The following PRKN variants were observed in gnomAD, a reference collection of about 807,000 sequenced individuals.
The protein encoded by PRKN is parkin RBR E3 ubiquitin protein ligase.
A neutral mutation model predicts 59.5 loss-of-function variants in PRKN; 56 were observed. The ratio of observed to expected loss-of-function variants is 0.94; its 90% CI spans 0.76 to 1.18. The LOEUF is 1.18. Ranked by LOEUF, PRKN falls within the 50% of genes most tolerant of loss-of-function variation. PRKN has a pLI of 0.00. For missense variants in PRKN, 657 were observed against 596.4 expected (o/e 1.10, Z -1.06); for synonymous variants, 250 against 222.1 (o/e 1.13, Z -1.12).
chr6:161,755,903 T>C (rs1788896796), intron 7 of PRKN, among the ~76,000 whole-genome samples: 2 of 152,094 alleles, frequency 1.3e-5, no homozygotes, highest in Non-Finnish European at 2.9e-5. Flanking sequence ...CTGCCCTCTG[T>C]TGCCAATAGA....
intron 6 of PRKN, among the ~76,000 whole-genome samples, chr6:161,862,419 A>C (rs1333258974): frequency 2.6e-5 from 4 of 152,204 alleles, no homozygotes; most frequent in Non-Finnish European, 4.4e-5. Flanking sequence ...TTCCTACTGC[A>C]ACTTTATTCA....
chr6:161,521,388 C>A lies in PRKN; in HGVS notation c.1083+27466G>T, dbSNP rs1215038689. ...AAGCATAAAATTAGGATAGAAATCC[C>A]ATTGTGTTAAAGTTCCATGGAAATT... On this transcript the variant is annotated intron_variant, in intron 9 of 11. Transcript: ENST00000366898. 3.3e-5 allele frequency among the ~76,000 whole-genome samples: 5 copies of A among 152,256 alleles called. No individual in the cohort carries two copies. The South Asian group carries it at 6.2e-4, about 19-fold the overall frequency.
intron 1 of PRKN, among the ~76,000 whole-genome samples, chr6:162,609,156 T>TA (rs1335988135): frequency 2.0e-5 from 3 of 152,272 alleles, no homozygotes; most frequent in African/African-American, 7.2e-5. Context: ...GTACAGAAGA[T>TA]AAAGTGCAGG....
chr6:162,628,953 T>C (rs1222407912), intron 1 of PRKN, among the ~76,000 whole-genome samples: 2 of 152,096 alleles, frequency 1.3e-5, no homozygotes, highest in Non-Finnish European at 2.9e-5. Flanking sequence ...CTCGTACTAT[T>C]TTACAATTAT....
At chr6:161,364,912 C>T (rs1785132531) in intron 10 of PRKN, among the ~76,000 whole-genome samples, 1 of 145,262 alleles carries the variant, frequency 6.9e-6, no homozygotes, top group Non-Finnish European at 1.5e-5. Flanking sequence ...GCCTGGGCAA[C>T]GGAGTGAGAC....
rs1777402448 is a variant in PRKN at position 161,488,156 on chromosome 6, G to A, written c.1083+60698C>T. ...TCCTGGGAGGGGACACCTGTTTAGA[G>A]GGCTAAATGAATGGAGGCAGCCATG... On this transcript the variant is annotated intron_variant, in intron 9 of 11. Transcript: ENST00000366898. This position sits in a 1 kb window ranked among gnomAD's most constrained non-coding sequence, Gnocchi z 4.5. 6.6e-6 allele frequency among the ~76,000 whole-genome samples: 1 copy of A among 152,182 alleles called. No individual in the cohort carries two copies. Among genetic ancestry groups the A allele is most frequent in the Admixed American group, 6.5e-5 (1 of 15,282 alleles).
intron 2 of PRKN, among the ~76,000 whole-genome samples, chr6:162,320,634 A>G (rs1286741767): frequency 6.6e-6 from 1 of 151,770 alleles, no homozygotes; most frequent in African/African-American, 2.4e-5. Context: ...CTAATTGGGA[A>G]TTTAAAATTA....
intron 6 of PRKN, among the ~76,000 whole-genome samples, chr6:161,825,222 A>G (rs1212527841): frequency 6.6e-6 from 1 of 152,222 alleles, no homozygotes; most frequent in Non-Finnish European, 1.5e-5. Context: ...AATATCACAC[A>G]GCAAGAAAAT....
chr6:161,738,625 C>T (rs1469509766), intron 7 of PRKN, among the ~76,000 whole-genome samples: 3 of 152,134 alleles, frequency 2.0e-5, no homozygotes, highest in African/African-American at 7.2e-5. Context: ...GAACCTGGTA[C>T]CAAGTAGGGT....
At chr6:162,169,865 T>C (rs1351339519) in intron 4 of PRKN, among the ~76,000 whole-genome samples, 2 of 152,204 alleles carry the variant, frequency 1.3e-5, no homozygotes, top group African/African-American at 2.4e-5. Flanking sequence ...CATCTCCTTG[T>C]ATCTAGGAGG....
intron 8 of PRKN, among the ~76,000 whole-genome samples, chr6:161,556,497 A>C (rs1028447120): frequency 1.3e-5 from 2 of 152,214 alleles, no homozygotes; most frequent in African/African-American, 4.8e-5. Context: ...TACCTTCGAG[A>C]TATAATCCAC....
intron 6 of PRKN, among the ~76,000 whole-genome samples, chr6:161,820,452 A>C (rs535641841): frequency 2.0e-5 from 3 of 149,236 alleles, no homozygotes; most frequent in East Asian, 3.9e-4. Flanking sequence ...TTATATTTTC[A>C]TTTATAATGT....
intron 2 of PRKN, among the ~76,000 whole-genome samples, chr6:162,287,374 C>T (rs1006616071): frequency 1.3e-5 from 2 of 152,052 alleles, no homozygotes; most frequent in African/African-American, 4.8e-5. Flanking sequence ...CAGAATCAGC[C>T]TGGACAACAT....
rs369842767 is a variant in PRKN, at chr6:161,827,792, G to A, written c.735-41884C>T. On this transcript the variant is annotated intron_variant, in intron 6 of 11. Transcript: ENST00000366898. Reference sequence around the variant, plus strand: ...CAAAGTTCTGGGATTACAAGCGTGAGCCAGCACACCCGGCCCTTGATTTTA... The same window carrying A: ...CAAAGTTCTGGGATTACAAGCGTGAACCAGCACACCCGGCCCTTGATTTTA... Among the ~76,000 whole-genome samples the A allele has an allele frequency of 5.3e-5, 8 of 152,296 alleles. No individual in the cohort carries two copies. The South Asian group carries it at 6.2e-4, about 12-fold the overall frequency.
intron 1 of PRKN, among the ~76,000 whole-genome samples, chr6:162,470,522 C>T (rs73035850): frequency 0.29 from 44,330 of 151,588 alleles, 6,658 homozygotes; most frequent in East Asian, 0.44. Context: ...ACCCGGGAGG[C>T]GGAGGTTGCA....
At chr6:162,210,798 G>A (rs949039645) in intron 3 of PRKN, among the ~76,000 whole-genome samples, 1 of 152,070 alleles carries the variant, frequency 6.6e-6, no homozygotes, top group African/African-American at 2.4e-5. Flanking sequence ...TAGTCCAGTT[G>A]ATAAAATTTT....
intron 1 of PRKN, among the ~76,000 whole-genome samples, chr6:162,449,562 T>A (rs1790491414): frequency 6.6e-6 from 1 of 152,006 alleles, no homozygotes; most frequent in South Asian, 2.1e-4. Flanking sequence ...AATTGCTATT[T>A]TTATGTTTTA....
chr6:162,578,555 T>A (rs1489134226), intron 1 of PRKN, among the ~76,000 whole-genome samples: 1 of 152,218 alleles, frequency 6.6e-6, no homozygotes, highest in Non-Finnish European at 1.5e-5. Context: ...AGGAAAATTG[T>A]ATATAGAACA....
At chr6:162,233,223 G>A (rs2128086836) in intron 3 of PRKN, among the ~76,000 whole-genome samples, 1 of 152,134 alleles carries the variant, frequency 6.6e-6, no homozygotes, top group South Asian at 2.1e-4. Flanking sequence ...ATATGTAAAG[G>A]TTATTCATTA....
Sources: allele counts gnomAD v4.1 joint callset (sites outside exome capture counted in the v4.1 genomes callset), GRCh38; gene constraint gnomAD v4.1.1; non-coding constraint Gnocchi (gnomAD v3.1); transcripts MANE v1.5; gene names NCBI Gene and HGNC (gene_info 2026-07-23, HGNC 2026-07-21).